AGMO: variants seen among roughly 807,000 people sequenced by gnomAD.
The protein encoded by AGMO is glyceryl-ether monooxygenase.
In AGMO, 75 loss-of-function variants were observed where a neutral mutation model predicts 60.2. The ratio of observed to expected loss-of-function variants is 1.25; its 90% CI spans 1.03 to 1.51. The LOEUF (loss-of-function observed/expected upper bound fraction) is 1.51. AGMO is among the 40% of genes most tolerant of loss of function. The probability of loss-of-function intolerance (pLI) is 0.00; values close to 1 mark genes in which losing one functional copy is unlikely to be tolerated. For synonymous variants in AGMO, 261 were observed against 177.1 expected, an observed-to-expected ratio of 1.47 and a Z score of -3.76; for missense variants, 763 against 525.5, an observed-to-expected ratio of 1.45 and a Z score of -4.42.
chr7:15,497,007 C>T (rs1452290905), intron 3 of AGMO, among the ~76,000 whole-genome samples: 2 of 152,060 alleles, frequency 1.3e-5, no homozygotes, highest in African/African-American at 4.8e-5. Context: ...CAGCTCTTTG[C>T]TGGCTATAAA....
chr7:15,219,605 C>T (rs938458178), intron 12 of AGMO, among the ~76,000 whole-genome samples: 1 of 151,970 alleles, frequency 6.6e-6, no homozygotes, highest in African/African-American at 2.4e-5. Context: ...GTGATTGAAG[C>T]GTTCTCATCC....
At chr7:15,516,216 G>T (rs1333325294) in intron 3 of AGMO, among the ~76,000 whole-genome samples, 1 of 151,976 alleles carries the variant, frequency 6.6e-6, no homozygotes. Context: ...CAACAATAAA[G>T]ATTGCTCATA....
At chr7:15,355,913 AAAC>A (rs1203557089) in intron 12 of AGMO, among the ~76,000 whole-genome samples, 1 of 152,186 alleles carries the variant, frequency 6.6e-6, no homozygotes, top group African/African-American at 2.4e-5. Flanking sequence ...AAGAAAAAGA[AAAC>A]AATGGGTAAA....
intron 12 of AGMO, among the ~76,000 whole-genome samples, chr7:15,246,000 T>A (rs1458058904): frequency 6.6e-6 from 1 of 152,150 alleles, no homozygotes; most frequent in East Asian, 1.9e-4. Flanking sequence ...TTAAGAGATG[T>A]CTTACCATGG....
chr7:15,275,543 A>G (rs911424370), intron 12 of AGMO, among the ~76,000 whole-genome samples: 3 of 152,178 alleles, frequency 2.0e-5, no homozygotes, highest in Non-Finnish European at 4.4e-5. Context: ...AGAATGTTCT[A>G]TAAATGTCTA....
chr7:15,355,260 T>C (rs1419818949), intron 12 of AGMO, among the ~76,000 whole-genome samples: 3 of 151,958 alleles, frequency 2.0e-5, no homozygotes, highest in Non-Finnish European at 1.5e-5. Flanking sequence ...TCCAGCACTA[T>C]GGGAGGCCGA....
intron 12 of AGMO, among the ~76,000 whole-genome samples, chr7:15,270,348 T>C (rs879854335): frequency 6.6e-6 from 1 of 152,018 alleles, no homozygotes; most frequent in Non-Finnish European, 1.5e-5. Context: ...CATATTGAGA[T>C]TTTAATTTAC....
intron 3 of AGMO, among the ~76,000 whole-genome samples, chr7:15,437,980 T>C (rs12699713): frequency 0.48 from 72,911 of 151,984 alleles, 17,575 homozygotes; most frequent in Middle Eastern, 0.62. Context: ...CACTTTAACA[T>C]ATTTTTTCTT....
chr7:15,166,069 GC>G, the AGMO span, among the ~76,000 whole-genome samples: 1 of 152,034 alleles, frequency 6.6e-6, no homozygotes, highest in African/African-American at 2.4e-5. Flanking sequence ...ACGACCCCAG[GC>G]CTTGTATACA....
chr7:15,544,187 A>C lies in AGMO; in HGVS notation c.409+585T>G, dbSNP rs374147093. Among the ~76,000 whole-genome samples, 10 of 151,916 alleles carry C rather than the reference A, an allele frequency of 6.6e-5. No homozygotes were observed. The East Asian group carries it at 1.4e-3, about 21-fold the overall frequency. On this transcript the variant is annotated intron_variant, in intron 3 of 12. Transcript: ENST00000342526. ...CTAAGCTAAGAGGACACAAAGGCAT[A>C]AGAATGATACATTGGACTTTAGAGA...
chr7:15,191,097 T>C, the AGMO span, among the ~76,000 whole-genome samples: 4 of 152,272 alleles, frequency 2.6e-5, no homozygotes, highest in Middle Eastern at 3.4e-3. Flanking sequence ...GGGAACAAAG[T>C]TATTTTAAGG....
intron 12 of AGMO, among the ~76,000 whole-genome samples, chr7:15,364,785 G>C (rs1418124343): frequency 6.6e-6 from 1 of 151,970 alleles, no homozygotes; most frequent in Non-Finnish European, 1.5e-5. Flanking sequence ...CTAAGAGCGG[G>C]GGATATTAGT....
chr7:15,367,002 A>C (rs564054877), intron 10 of AGMO, among the ~76,000 whole-genome samples: 1 of 152,176 alleles, frequency 6.6e-6, no homozygotes, highest in South Asian at 2.1e-4. Flanking sequence ...CTAGAATTCT[A>C]ATTTAAGTAC....
At chr7:15,448,765 T>C (rs538926292) in intron 3 of AGMO, among the ~76,000 whole-genome samples, 13 of 152,170 alleles carry the variant, frequency 8.5e-5, no homozygotes, top group Non-Finnish European at 1.9e-4. Context: ...TGAAAAAATG[T>C]GTGCAGTCAG....
At chr7:15,380,826 A>G (rs550282140) in intron 10 of AGMO, among the ~76,000 whole-genome samples, 2 of 152,188 alleles carry the variant, frequency 1.3e-5, no homozygotes, top group Non-Finnish European at 2.9e-5. Context: ...ACTGGCACAA[A>G]AACAGTCACA....
intron 12 of AGMO, among the ~76,000 whole-genome samples, chr7:15,289,305 G>A (rs1784189945): frequency 6.6e-6 from 1 of 150,544 alleles, no homozygotes; most frequent in East Asian, 1.9e-4. Flanking sequence ...AGAATTAAAT[G>A]ATAAATTATT....
intron 12 of AGMO, among the ~76,000 whole-genome samples, chr7:15,224,707 G>C (rs991761274): frequency 1.3e-5 from 2 of 151,966 alleles, no homozygotes; most frequent in African/African-American, 2.4e-5. Context: ...TGTATTGTTT[G>C]AGCACCAACC....
rs144694699 is a variant in AGMO at position 15,300,185 on chromosome 7, G to A, written c.1263+65329C>T. ...AGGATTGGAACAAAGAGATACCCAA[G>A]AGATCAAGTTAGAAATATCAGATAG... On this transcript the variant is annotated intron_variant, in intron 12 of 12. Coordinates refer to ENST00000342526, the MANE Select transcript of AGMO (RefSeq NM_001004320.2). Among the ~76,000 whole-genome samples the A allele has an allele frequency of 2.2e-4, 33 of 152,278 alleles. 1 individual carries two copies. Among genetic ancestry groups the A allele is most frequent in the African/African-American group, 7.9e-4 (33 of 41,572 alleles).
At chr7:15,352,825 T>C (rs1487447477) in intron 12 of AGMO, among the ~76,000 whole-genome samples, 1 of 152,028 alleles carries the variant, frequency 6.6e-6, no homozygotes, top group African/African-American at 2.4e-5. Context: ...GTTTTCGCTA[T>C]TAAAGACAAT....
Sources: gnomAD v4.1 joint callset for allele counts (sites outside exome capture counted in the v4.1 genomes callset) on GRCh38, gnomAD v4.1.1 for gene constraint, MANE v1.5 for transcripts, NCBI Gene and HGNC (gene_info 2026-07-23, HGNC 2026-07-21) for gene names.